The following NRG1 variants were observed in gnomAD, a reference collection of about 807,000 sequenced individuals.
NRG1 encodes pro-neuregulin-1, membrane-bound isoform.
A neutral mutation model predicts 63.8 loss-of-function variants in NRG1; 18 were observed. That is an observed-to-expected ratio of 0.28 (90% CI 0.19 to 0.42). NRG1 has a LOEUF of 0.42. NRG1 is among the 10% of genes least tolerant of loss of function. NRG1 has a pLI of 1.00. For synonymous variants in NRG1, 302 were observed against 301.3 expected (o/e 1.00, Z -0.02); for missense variants, 762 against 814.7 (o/e 0.94, Z 0.79).
intron 1 of NRG1, among the ~76,000 whole-genome samples, chr8:32,093,495 G>A (rs113260513): frequency 0.021 from 3,176 of 152,268 alleles, 126 homozygotes; most frequent in African/African-American, 0.072. Context: ...TGCTTCTCCT[G>A]GCAGCAGGAA....
intron 1 of NRG1, among the ~76,000 whole-genome samples, chr8:32,193,366 C>A (rs1842676557): frequency 6.6e-6 from 1 of 151,746 alleles, no homozygotes; most frequent in South Asian, 2.1e-4. Flanking sequence ...AGATTATGCC[C>A]ATTCCTTCTA....
chr8:31,971,189 T>C (rs1321191188), intron 1 of NRG1, among the ~76,000 whole-genome samples: 1 of 152,208 alleles, frequency 6.6e-6, no homozygotes, highest in African/African-American at 2.4e-5. Context: ...AATTCCTTTA[T>C]CATATATGTG....
intron 5 of NRG1, among the ~76,000 whole-genome samples, chr8:32,656,747 A>G (rs1410934177): frequency 6.6e-6 from 1 of 152,198 alleles, no homozygotes; most frequent in Non-Finnish European, 1.5e-5. Flanking sequence ...AATATTTGAT[A>G]ACAATCTAGA....
At chr8:32,541,893 G>A (rs979154944) in intron 1 of NRG1, among the ~76,000 whole-genome samples, 2 of 152,080 alleles carry the variant, frequency 1.3e-5, no homozygotes, top group African/African-American at 4.8e-5. Context: ...TGTTTACTGG[G>A]TGTCACTTGA....
At chr8:32,585,761 C>T (rs999264259) in intron 1 of NRG1, among the ~76,000 whole-genome samples, 2 of 152,222 alleles carry the variant, frequency 1.3e-5, no homozygotes, top group Non-Finnish European at 2.9e-5. Flanking sequence ...CTGTATTTCT[C>T]AGACTGTCTT....
chr8:31,925,956 T>G (rs1834325919), intron 1 of NRG1, among the ~76,000 whole-genome samples: 1 of 152,224 alleles, frequency 6.6e-6, no homozygotes, highest in Non-Finnish European at 1.5e-5. Flanking sequence ...TTTCTCCTGG[T>G]TTTCAGTCAT....
At chr8:32,110,974 T>A (rs1398974553) in intron 1 of NRG1, among the ~76,000 whole-genome samples, 1 of 152,122 alleles carries the variant, frequency 6.6e-6, no homozygotes, top group Non-Finnish European at 1.5e-5. Flanking sequence ...AACTTTCGAG[T>A]AAGCAACGTT....
intron 5 of NRG1, among the ~76,000 whole-genome samples, chr8:32,652,098 A>ACT (rs965429112): frequency 1.3e-5 from 2 of 151,724 alleles, no homozygotes; most frequent in Non-Finnish European, 2.9e-5. Context: ...AAACACACAC[A>ACT]CTCTCTCTCT....
At chr8:32,398,207 TA>T (rs34669986) in intron 1 of NRG1, among the ~76,000 whole-genome samples, 74,877 of 151,636 alleles carry the variant, frequency 0.49, 19,015 homozygotes, top group African/African-American at 0.54. Context: ...CCAGCAAAAA[TA>T]AAAAAAGAAA....
intron 1 of NRG1, among the ~76,000 whole-genome samples, chr8:32,435,874 T>C (rs1170467274): frequency 1.3e-5 from 2 of 152,196 alleles, no homozygotes; most frequent in African/African-American, 2.4e-5. Context: ...TTAATTGATA[T>C]ATGCCAGTAC....
At chr8:32,093,555 A>G (rs571761095) in intron 1 of NRG1, among the ~76,000 whole-genome samples, 10 of 152,306 alleles carry the variant, frequency 6.6e-5, no homozygotes, top group Admixed American at 4.6e-4. Context: ...CTTTTTCACT[A>G]TATAGGAACC....
intron 1 of NRG1, among the ~76,000 whole-genome samples, chr8:32,512,460 C>A (rs1340633178): frequency 6.6e-6 from 1 of 152,114 alleles, no homozygotes; most frequent in Non-Finnish European, 1.5e-5. Context: ...CTACTTATAC[C>A]TTTGTTAGCA....
intron 5 of NRG1, among the ~76,000 whole-genome samples, chr8:32,707,753 T>C (rs1029380142): frequency 4.0e-4 from 61 of 151,860 alleles, no homozygotes; most frequent in Non-Finnish European, 1.8e-4. Context: ...GGAATGTACT[T>C]AAAAAAATTA....
At chr8:32,692,274 G>C (rs555402404) in intron 5 of NRG1, among the ~76,000 whole-genome samples, 1 of 152,344 alleles carries the variant, frequency 6.6e-6, no homozygotes, top group African/African-American at 2.4e-5. Context: ...TTTCTAGCCT[G>C]CTGGATTCCA....
intron 1 of NRG1, among the ~76,000 whole-genome samples, chr8:32,051,144 A>G (rs1821913712): frequency 6.6e-6 from 1 of 152,030 alleles, no homozygotes; most frequent in Admixed American, 6.5e-5. Context: ...TCACCCAAAT[A>G]TTTGTTTCTC....
chr8:31,792,028 T>A (rs1356604110), intron 1 of NRG1, among the ~76,000 whole-genome samples: 2 of 152,164 alleles, frequency 1.3e-5, no homozygotes, highest in Admixed American at 6.5e-5. Flanking sequence ...AGCAGCCAGG[T>A]TGGCCTTTTC....
At chr8:32,635,588 A>AT (rs369815591) in intron 5 of NRG1, among the ~76,000 whole-genome samples, 20 of 151,932 alleles carry the variant, frequency 1.3e-4, no homozygotes, top group African/African-American at 4.1e-4. Flanking sequence ...CATTCAACAC[A>AT]TTTTTCCCCC....
intron 1 of NRG1, among the ~76,000 whole-genome samples, chr8:32,045,852 G>C (rs1415337988): frequency 6.6e-6 from 1 of 151,924 alleles, no homozygotes; most frequent in Non-Finnish European, 1.5e-5. Context: ...ATTATAAAAT[G>C]TTTAGAAGAA....
chr8:31,976,528 A>G (rs949214462), intron 1 of NRG1, among the ~76,000 whole-genome samples: 3 of 152,148 alleles, frequency 2.0e-5, no homozygotes, highest in African/African-American at 7.2e-5. Flanking sequence ...TTTTGAGAAG[A>G]TATAGCAAAA....
Sources: allele counts gnomAD v4.1 joint callset (sites outside exome capture counted in the v4.1 genomes callset), GRCh38; gene constraint gnomAD v4.1.1; transcripts MANE v1.5; gene names NCBI Gene and HGNC (gene_info 2026-07-23, HGNC 2026-07-21).